The following NME9 variants were observed in gnomAD, a reference collection of about 807,000 sequenced individuals.
NME9 encodes the protein NME/NM23 family member 9.
NME9 carries 48 observed loss-of-function variants against 44.4 expected under a neutral mutation model. The ratio of observed to expected loss-of-function variants is 1.08; its 90% CI spans 0.86 to 1.37. The LOEUF (loss-of-function observed/expected upper bound fraction) is 1.37, where lower values mean the gene tolerates loss of function less well. NME9 is among the 40% of genes most tolerant of loss of function. The pLI is 0.00. For missense variants in NME9, 325 were observed against 405.2 expected (o/e 0.80, Z 1.70); for synonymous variants, 139 against 147.1 (o/e 0.94, Z 0.40).
At chr3:138,306,187 C>T (rs1415887377) in intron 7 of NME9, 91 bp from the exon 8 acceptor site, 32 of 1,015,018 alleles carry the variant, frequency 3.2e-5, no homozygotes, top group Non-Finnish European at 4.7e-5. Flanking sequence ...AAAATAAAGA[C>T]AGGCAACATT....
intron 9 of NME9, among the ~76,000 whole-genome samples, chr3:138,304,398 A>G (rs564415617): frequency 6.6e-6 from 1 of 152,360 alleles, no homozygotes; most frequent in South Asian, 2.1e-4. Flanking sequence ...GAGCAGGCCA[A>G]GCAAGCCCAG....
At chr3:138,262,919 G>A (rs1286281985) in intron 8 of NME9, among the ~76,000 whole-genome samples, 1 of 152,200 alleles carries the variant, frequency 6.6e-6, no homozygotes, top group African/African-American at 2.4e-5. Context: ...GTGATTACAG[G>A]AAAGCTCTGT....
At chr3:138,290,932 C>G (rs2050881002) in intron 8 of NME9, among the ~76,000 whole-genome samples, 1 of 152,196 alleles carries the variant, frequency 6.6e-6, no homozygotes, top group South Asian at 2.1e-4. Context: ...AATAGACATG[C>G]ATGTGGCATT....
At chr3:138,306,285 C>G in intron 7 of NME9, 113 bp downstream of exon 7, 1 of 910,320 alleles carries the variant, frequency 1.1e-6, no homozygotes, top group Non-Finnish European at 1.8e-6. Context: ...GAGCTACAAC[C>G]CCTTAGAATT....
chr3:138,273,218 GA>G, intron 8 of NME9: 1 of 1,210,380 alleles, frequency 8.3e-7, no homozygotes, highest in Non-Finnish European at 1.1e-6. Flanking sequence ...CCATGAGTGT[GA>G]TTCAAATGCT....
chr3:138,310,534 C>T (rs903450906), intron 6 of NME9, among the ~76,000 whole-genome samples: 10 of 151,808 alleles, frequency 6.6e-5, no homozygotes, highest in Admixed American at 3.9e-4. Flanking sequence ...CTAGTCACAA[C>T]AAATTTAAAA....
chr3:138,288,635 C>CT (rs547726493), intron 8 of NME9, among the ~76,000 whole-genome samples: 1,182 of 109,642 alleles, frequency 0.011, 26 homozygotes, highest in African/African-American at 0.026. Flanking sequence ...CTTCTTCAGA[C>CT]TTTTTTTTTT....
intron 8 of NME9, chr3:138,263,880 T>C: frequency 7.0e-7 from 1 of 1,419,140 alleles, no homozygotes; most frequent in East Asian, 2.3e-5. Flanking sequence ...CCTGTTTCCT[T>C]TCTGGTCCTT....
chr3:138,292,525 C>T (rs1239265421), intron 8 of NME9, among the ~76,000 whole-genome samples: 2 of 152,028 alleles, frequency 1.3e-5, no homozygotes, highest in Non-Finnish European at 2.9e-5. Context: ...TAAGCACCAA[C>T]GGGACTTACT....
At chr3:138,283,985 G>A (rs1479006104) in intron 8 of NME9, among the ~76,000 whole-genome samples, 1 of 152,214 alleles carries the variant, frequency 6.6e-6, no homozygotes, top group Non-Finnish European at 1.5e-5. Context: ...GCAGGTGGAG[G>A]CCTAGGAAAG....
Position 138,329,668 on chromosome 3 carries a change from G to C in NME9, c.-333C>G, listed in dbSNP as rs1340846392. ...GAGTCAGTGCGCCGGGCGCGGTGCAGCCTGTCGGGCACAGGGTCGCCAGTC... is the reference window on the plus strand; with the variant it reads ...GAGTCAGTGCGCCGGGCGCGGTGCACCCTGTCGGGCACAGGGTCGCCAGTC... On this transcript the variant is annotated 5_prime_UTR_variant, in exon 1 of 11. Coordinates refer to ENST00000333911, the MANE Select transcript of NME9 (RefSeq NM_001349018.2). 7.3e-6 allele frequency: 9 copies of C among 1,230,312 alleles called. No homozygotes were observed. Among genetic ancestry groups the C allele is most frequent in the Non-Finnish European group, 9.2e-6 (9 of 982,856 alleles). The allele number at this position is 1,230,312 out of a possible 1,614,324, so 76.2% of individuals were successfully genotyped here. A position where few individuals can be genotyped will look rare whatever the true frequency, so the allele number is the denominator to read the frequency against.
chr3:138,319,845 C>A (rs532887820), intron 2 of NME9, among the ~76,000 whole-genome samples: 1 of 152,260 alleles, frequency 6.6e-6, no homozygotes, highest in Non-Finnish European at 1.5e-5. Flanking sequence ...GCTCCTTTAT[C>A]TTAAGGGTTC....
chr3:138,304,717 G>T (rs1025089100), intron 9 of NME9, among the ~76,000 whole-genome samples, 156 bp downstream of exon 9: 19 of 152,220 alleles, frequency 1.2e-4, no homozygotes, highest in Non-Finnish European at 2.9e-5. Flanking sequence ...AACAGAGCGG[G>T]AAGATGTCAG....
downstream of NME9, among the ~76,000 whole-genome samples, chr3:138,298,624 C>T (rs916364514): frequency 1.7e-4 from 26 of 152,242 alleles, no homozygotes; most frequent in African/African-American, 5.5e-4. Flanking sequence ...GGTGGCCACT[C>T]CCAGCCACAA....
chr3:138,327,605 G>A (rs948421718), intron 1 of NME9, among the ~76,000 whole-genome samples: 6 of 152,208 alleles, frequency 3.9e-5, no homozygotes, highest in Admixed American at 1.3e-4. Flanking sequence ...TGTGATTTCT[G>A]CCTGTCTCAG....
chr3:138,268,205 T>C (rs2048458037), intron 8 of NME9, among the ~76,000 whole-genome samples: 1 of 152,108 alleles, frequency 6.6e-6, no homozygotes, highest in African/African-American at 2.4e-5. Context: ...ATCGCGCCAC[T>C]GCACTGCAGC....
In NME9 at chr3:138,306,408, ATC is replaced by A; in HGVS notation, c.531_532del (p.Glu177AspfsTer11). 1 of 1,610,424 alleles carries A rather than the reference ATC, an allele frequency of 6.2e-7. No homozygotes were observed. The highest frequency in any genetic ancestry group is 8.5e-7 in the Non-Finnish European group (1 of 1,176,598). ...TGTTGTCTCTCTTACCTTCATGATA[ATC>A]TCATCAGTCTTTCCATGGGCCACTG... is the stretch of plus-strand genomic sequence containing the variant. On this transcript the variant is annotated frameshift_variant, in exon 7 of 11. Coordinates refer to ENST00000333911, the MANE Select transcript of NME9 (RefSeq NM_001349018.2). LOFTEE classifies it high-confidence loss of function.
At chr3:138,324,734 ACACACAT>A in intron 2 of NME9, 132 bp downstream of exon 2, 26 of 548,754 alleles carry the variant, frequency 4.7e-5, no homozygotes, top group Non-Finnish European at 6.5e-5. Context: ...ACACACACAC[ACACACAT>A]CACCTGGTTT....
chr3:138,300,785 G>C (rs141539680), downstream of NME9, among the ~76,000 whole-genome samples: 225 of 152,344 alleles, frequency 1.5e-3, 1 homozygote, highest in African/African-American at 5.1e-3. Context: ...TAATGTCTGA[G>C]CATTGCTTTA....
Sources: gnomAD v4.1 joint callset for allele counts (sites outside exome capture counted in the v4.1 genomes callset) on GRCh38, gnomAD v4.1.1 for gene constraint, MANE v1.5 for transcripts, NCBI Gene and HGNC (gene_info 2026-07-23, HGNC 2026-07-21) for gene names.